The following KIAA0825 variants were observed in gnomAD, a reference collection of about 807,000 sequenced individuals.
KIAA0825 encodes the protein KIAA0825.
KIAA0825 carries 119 observed loss-of-function variants against 147.6 expected under a neutral mutation model. The observed-to-expected ratio is 0.81, with a 90% CI of 0.69 to 0.94. KIAA0825 has a LOEUF of 0.94. Ranked by LOEUF, KIAA0825 falls within the 40% of genes least tolerant of loss-of-function variation. KIAA0825 has a pLI of 0.00. For synonymous variants in KIAA0825, 470 were observed against 518.1 expected (o/e 0.91, Z 1.26); for missense variants, 1,381 against 1,472.7 (o/e 0.94, Z 1.02).
intron 20 of KIAA0825, among the ~76,000 whole-genome samples, chr5:94,380,182 A>G (rs921611490): frequency 2.6e-5 from 4 of 152,116 alleles, no homozygotes; most frequent in Non-Finnish European, 5.9e-5. Flanking sequence ...GGCTATTACA[A>G]CAGACATTTT....
intron 20 of KIAA0825, among the ~76,000 whole-genome samples, chr5:94,353,373 C>T (rs937539750): frequency 6.6e-6 from 1 of 152,106 alleles, no homozygotes; most frequent in African/African-American, 2.4e-5. Flanking sequence ...TTAAATTACC[C>T]ATGTAATTAT....
At chr5:94,230,639 G>T (rs922553228) in intron 20 of KIAA0825, among the ~76,000 whole-genome samples, 1 of 152,070 alleles carries the variant, frequency 6.6e-6, no homozygotes, top group African/African-American at 2.4e-5. Context: ...GGTCTCAGAA[G>T]ATTCTTCCAT....
intron 20 of KIAA0825, among the ~76,000 whole-genome samples, chr5:94,315,310 G>A (rs1779545712): frequency 6.6e-6 from 1 of 151,626 alleles, no homozygotes; most frequent in African/African-American, 2.4e-5. Flanking sequence ...GCTAATGATA[G>A]CGCTTTCTAT....
At chr5:94,284,956 A>G (rs555660928) in intron 20 of KIAA0825, among the ~76,000 whole-genome samples, 1 of 152,202 alleles carries the variant, frequency 6.6e-6, no homozygotes, top group South Asian at 2.1e-4. Flanking sequence ...ACAGAACTGA[A>G]TTTCCTGAGG....
chr5:94,538,599 G>A (rs368192003), intron 2 of KIAA0825, among the ~76,000 whole-genome samples: 2 of 152,182 alleles, frequency 1.3e-5, no homozygotes, highest in East Asian at 3.8e-4. Context: ...CATTCATTTG[G>A]TTAAACTTGA....
chr5:94,394,733 T>C (rs573127845), intron 17 of KIAA0825, among the ~76,000 whole-genome samples: 1 of 152,346 alleles, frequency 6.6e-6, no homozygotes, highest in South Asian at 2.1e-4. Context: ...CCATGGATAA[T>C]GACATCAGGC....
intron 15 of KIAA0825, chr5:94,413,539 A>G (rs1753044844): frequency 6.6e-6 from 1 of 152,340 alleles, no homozygotes; most frequent in East Asian, 1.9e-4. Context: ...GACACAAAAG[A>G]ATATATAGAT....
At chr5:94,606,644 T>C (rs1787542932) in intron 1 of KIAA0825, among the ~76,000 whole-genome samples, 1 of 152,012 alleles carries the variant, frequency 6.6e-6, no homozygotes, top group African/African-American at 2.4e-5. Flanking sequence ...AAAGAAACTA[T>C]CAATAGAGTA....
rs547961467 is a variant in KIAA0825, at chr5:94,282,210, T to G, written c.3710+102158A>C. 3.3e-5 allele frequency among the ~76,000 whole-genome samples: 5 copies of G among 152,270 alleles called. No homozygotes were observed. The East Asian group carries it at 9.7e-4, about 29-fold the overall frequency. On this transcript the variant is annotated intron_variant, in intron 20 of 20. Coordinates refer to ENST00000682413, the MANE Select transcript of KIAA0825 (RefSeq NM_001145678.3). The stretch of plus-strand genomic sequence containing the variant: ...GATTTAAAATATCATTTTATTGAAC[T>G]AGTTCACTTCAACAGGCAATGCCTA...
chr5:94,521,697 G>T (rs1219930805), intron 4 of KIAA0825, among the ~76,000 whole-genome samples: 1 of 151,662 alleles, frequency 6.6e-6, no homozygotes, highest in Non-Finnish European at 1.5e-5. Context: ...ATTATGAATA[G>T]AAAGGGACAA....
chr5:94,535,369 G>A (rs1265667043), intron 3 of KIAA0825, among the ~76,000 whole-genome samples: 17 of 151,718 alleles, frequency 1.1e-4, no homozygotes, highest in African/African-American at 2.9e-4. Context: ...AATTAGCTGC[G>A]TGTGGCGGCG....
rs576353461 is a variant in KIAA0825, at chr5:94,199,508, G to T, written c.3711-45384C>A. Among the ~76,000 whole-genome samples, 4 of 152,302 alleles carry T rather than the reference G, an allele frequency of 2.6e-5. No individual in the cohort carries two copies. The South Asian group carries it at 8.3e-4, about 32-fold the overall frequency. On this transcript the variant is annotated intron_variant, in intron 20 of 20. Transcript: ENST00000682413. The stretch of plus-strand genomic sequence containing the variant: ...ATGGGGAAGGGGGGTGTGGGCAAGT[G>T]TGCACCAGTGAGGCAGCTGAGGGTA...
At chr5:94,296,271 A>G (rs1259718528) in intron 20 of KIAA0825, among the ~76,000 whole-genome samples, 1 of 152,146 alleles carries the variant, frequency 6.6e-6, no homozygotes, top group Admixed American at 6.5e-5. Context: ...AAGCTCGAGC[A>G]TTCCAGGTTG....
At chr5:94,356,257 A>G (rs1435946446) in intron 20 of KIAA0825, among the ~76,000 whole-genome samples, 1 of 152,176 alleles carries the variant, frequency 6.6e-6, no homozygotes, top group African/African-American at 2.4e-5. Context: ...AAGCAAAACT[A>G]CAAGTTACTG....
At chr5:94,159,512 C>T (rs1189401821) in intron 20 of KIAA0825, among the ~76,000 whole-genome samples, 1 of 152,144 alleles carries the variant, frequency 6.6e-6, no homozygotes, top group East Asian at 1.9e-4. Context: ...GTGTCTTTCA[C>T]ATTGTTTTAT....
intron 20 of KIAA0825, among the ~76,000 whole-genome samples, chr5:94,324,322 G>A (rs529706400): frequency 4.0e-4 from 61 of 152,080 alleles, no homozygotes; most frequent in African/African-American, 1.5e-3. Context: ...TTATTGAAAT[G>A]GATTCAGTTT....
intron 20 of KIAA0825, among the ~76,000 whole-genome samples, chr5:94,228,597 C>T (rs1031287941): frequency 6.6e-6 from 1 of 152,160 alleles, no homozygotes; most frequent in African/African-American, 2.4e-5. Flanking sequence ...AGAACTAAGT[C>T]ACATGACCAC....
chr5:94,512,467 A>C (rs981205651), intron 5 of KIAA0825, among the ~76,000 whole-genome samples: 3 of 152,090 alleles, frequency 2.0e-5, no homozygotes, highest in Admixed American at 1.3e-4. Flanking sequence ...TATTTTCATA[A>C]ATTAAGATAT....
At chr5:94,377,599 C>A (rs1747763862) in intron 20 of KIAA0825, among the ~76,000 whole-genome samples, 1 of 152,066 alleles carries the variant, frequency 6.6e-6, no homozygotes, top group Admixed American at 6.5e-5. Flanking sequence ...TGAAAAGTAC[C>A]TTTATTATTT....
Sources: allele counts gnomAD v4.1 joint callset (sites outside exome capture counted in the v4.1 genomes callset), GRCh38; gene constraint gnomAD v4.1.1; transcripts MANE v1.5; gene names NCBI Gene and HGNC (gene_info 2026-07-23, HGNC 2026-07-21).